Variants in LRGUK observed in about 807,000 individuals in gnomAD.
LRGUK encodes the protein leucine rich repeats and guanylate kinase domain containing, also known as leucine-rich repeat and guanylate kinase domain-containing protein.
In LRGUK, 65 loss-of-function variants were observed where a neutral mutation model predicts 76.0. The ratio of observed to expected loss-of-function variants is 0.85; its 90% CI spans 0.70 to 1.05. The LOEUF (loss-of-function observed/expected upper bound fraction) is 1.05. Ranked by LOEUF, LRGUK falls within the 50% of genes least tolerant of loss-of-function variation. The probability of loss-of-function intolerance (pLI) is 0.00; values close to 1 mark genes in which losing one functional copy is unlikely to be tolerated. For missense variants in LRGUK, 758 were observed against 732.8 expected, an observed-to-expected ratio of 1.03 and a Z score of -0.40; for synonymous variants, 268 against 265.6, an observed-to-expected ratio of 1.01 and a Z score of -0.09.
At chr7:134,183,058 G>A (rs1451636887) in intron 10 of LRGUK, among the ~76,000 whole-genome samples, 1 of 152,188 alleles carries the variant, frequency 6.6e-6, no homozygotes, top group Non-Finnish European at 1.5e-5. Context: ...GCCCGGCTGC[G>A]GGAGATTTTA....
chr7:134,136,406 A>G (rs888068778), intron 1 of LRGUK, among the ~76,000 whole-genome samples: 2 of 152,170 alleles, frequency 1.3e-5, no homozygotes, highest in African/African-American at 2.4e-5. Flanking sequence ...TTCTCTACCA[A>G]TCTGGCAAGA....
chr7:134,263,930 C>G, exon 20 of LRGUK: 1 of 1,612,702 alleles, frequency 6.2e-7, no homozygotes, highest in African/African-American at 1.3e-5. Context: ...GCCCAGGTTC[C>G]AACGTCAAAC....
At chr7:134,274,007 T>C in the LRGUK span, among the ~76,000 whole-genome samples, 1 of 152,212 alleles carries the variant, frequency 6.6e-6, no homozygotes, top group South Asian at 2.1e-4. Flanking sequence ...TATGTAGTGT[T>C]TGGTTGTGTA....
chr7:134,194,687 G>T (rs2117064424), intron 12 of LRGUK, among the ~76,000 whole-genome samples: 1 of 152,290 alleles, frequency 6.6e-6, no homozygotes, highest in East Asian at 1.9e-4. Flanking sequence ...GCTGCAGTGA[G>T]TTATGATTGC....
chr7:134,164,510 G>A (rs1310145026), intron 7 of LRGUK, among the ~76,000 whole-genome samples: 1 of 152,098 alleles, frequency 6.6e-6, no homozygotes, highest in Non-Finnish European at 1.5e-5. Context: ...TATTAAGTTG[G>A]TAACTTTAGC....
intron 16 of LRGUK, among the ~76,000 whole-genome samples, chr7:134,242,340 A>T (rs1226188158): frequency 6.6e-6 from 1 of 152,218 alleles, no homozygotes; most frequent in Non-Finnish European, 1.5e-5. Context: ...AGAAGAATCA[A>T]ATAGATGCAA....
At chr7:134,258,132 A>G in intron 18 of LRGUK, 125 bp from the exon 19 acceptor site, 1 of 1,166,316 alleles carries the variant, frequency 8.6e-7, no homozygotes, top group Non-Finnish European at 1.2e-6. Context: ...TCAACACAAG[A>G]CATGTCCACT....
intron 7 of LRGUK, among the ~76,000 whole-genome samples, chr7:134,167,379 T>G (rs1228741433): frequency 6.6e-6 from 1 of 152,186 alleles, no homozygotes; most frequent in Non-Finnish European, 1.5e-5. Context: ...CCCTGACCCC[T>G]TTCTTAATGC....
At chr7:134,263,791 C>T (rs1030729901) in intron 19 of LRGUK, 54 bp from the exon 20 acceptor site, 6 of 1,534,648 alleles carry the variant, frequency 3.9e-6, no homozygotes, top group African/African-American at 1.4e-5. Context: ...CACTTATTCT[C>T]TTTGTACCAA....
downstream of LRGUK, among the ~76,000 whole-genome samples, chr7:134,211,998 C>T (rs1485650083): frequency 6.6e-6 from 1 of 152,126 alleles, no homozygotes; most frequent in Non-Finnish European, 1.5e-5. Context: ...TCCATGTTGG[C>T]TTCATTCTTT....
chr7:134,135,082 A>G (rs979794799), intron 1 of LRGUK, among the ~76,000 whole-genome samples: 8 of 152,180 alleles, frequency 5.3e-5, no homozygotes, highest in Non-Finnish European at 1.2e-4. Context: ...TAAATTTGTA[A>G]TATTTGTGGG....
Position 134,175,009 on chromosome 7 carries a change from A to G in LRGUK, c.1020+373A>G, listed in dbSNP as rs112035374. The stretch of plus-strand genomic sequence containing the variant: ...CTGACATTAGACAATGCAAGACACC[A>G]GAGGTGGAGACAGAATGTGGTTCCT... On this transcript the variant is annotated intron_variant, in intron 8 of 15. Transcript: ENST00000645682. Among the ~76,000 whole-genome samples the G allele has an allele frequency of 3.4e-3, 513 of 152,354 alleles. 4 individuals carry two copies. Among genetic ancestry groups the G allele is most frequent in the African/African-American group, 0.012 (491 of 41,584 alleles).
chr7:134,265,068 G>C (rs558433614), downstream of LRGUK, among the ~76,000 whole-genome samples: 1 of 152,058 alleles, frequency 6.6e-6, no homozygotes, highest in Non-Finnish European at 1.5e-5. Context: ...AGGGTGGAGC[G>C]GGGGGACCAT....
At chr7:134,151,471 A>T (rs912300135) in intron 5 of LRGUK, among the ~76,000 whole-genome samples, 1 of 152,112 alleles carries the variant, frequency 6.6e-6, no homozygotes, top group Middle Eastern at 3.2e-3. Flanking sequence ...TTTTCAAAAC[A>T]GACCTTCCAA....
At position 134,258,238 on chromosome 7, in the gene LRGUK, T is replaced by C; in HGVS notation, c.2199-19T>C. 6.2e-7 allele frequency: 1 copy of C among 1,613,588 alleles called. No homozygotes were observed. Among genetic ancestry groups the C allele is most frequent in the Non-Finnish European group, 8.5e-7 (1 of 1,179,662 alleles). ...ATAGTTTGGATCTCAAAAAGATCTT[T>C]GGTTTTTCATTTTTTCAGTGGGAAG... On this transcript the variant is annotated intron_variant, in intron 18 of 19. Transcript: ENST00000285928.
chr7:134,224,880 G>A (rs1463796995), intron 16 of LRGUK, among the ~76,000 whole-genome samples: 8 of 151,820 alleles, frequency 5.3e-5, no homozygotes, highest in South Asian at 2.1e-4. Flanking sequence ...GTGAAACCCC[G>A]TCTCTACTGA....
chr7:134,136,254 G>T (rs1229849814), intron 1 of LRGUK, among the ~76,000 whole-genome samples: 2 of 152,288 alleles, frequency 1.3e-5, no homozygotes, highest in East Asian at 3.9e-4. Flanking sequence ...GGAAGGGCTT[G>T]TCAGGGTGCC....
chr7:134,241,724 C>G (rs1174147112), intron 16 of LRGUK, among the ~76,000 whole-genome samples: 2 of 152,162 alleles, frequency 1.3e-5, no homozygotes, highest in African/African-American at 2.4e-5. Flanking sequence ...ATCTACAGAA[C>G]TCTCCACCCC....
chr7:134,264,123 T>C, exon 20 of LRGUK: 1 of 688,970 alleles, frequency 1.5e-6, no homozygotes, highest in Non-Finnish European at 2.1e-6. Flanking sequence ...TATCAGCCAG[T>C]TTCTCTTGTG....
Sources: allele counts gnomAD v4.1 joint callset (sites outside exome capture counted in the v4.1 genomes callset), GRCh38; gene constraint gnomAD v4.1.1; transcripts MANE v1.5; gene names NCBI Gene and HGNC (gene_info 2026-07-23, HGNC 2026-07-21).